Variants in MDH1 observed in about 807,000 individuals in gnomAD.
The protein encoded by MDH1 is malate dehydrogenase 1, also known as malate dehydrogenase, cytoplasmic.
In MDH1, 15 loss-of-function variants were observed where a neutral mutation model predicts 38.7. The observed-to-expected ratio is 0.39, with a 90% CI of 0.26 to 0.60. The LOEUF is 0.60. Among genes scored for constraint, MDH1 ranks in the 20% least tolerant of loss-of-function variants. The pLI is 0.56. For missense variants in MDH1, 368 were observed against 405.2 expected, an observed-to-expected ratio of 0.91 and a Z score of 0.79; for synonymous variants, 144 against 143.6, an observed-to-expected ratio of 1.00 and a Z score of -0.02.
chr2:63,594,846 G>C (rs1462065977), intron 2 of MDH1: 1 of 347,326 alleles, frequency 2.9e-6, no homozygotes, highest in African/African-American at 2.1e-5. Context: ...CAGTCAATGG[G>C]AGATATCACT....
Position 63,604,737 on chromosome 2 carries a change from T to C in MDH1, c.540T>C (p.Asn180=). Residue 180 remains asparagine, a synonymous_variant, in exon 6 of 9, where the codon AAT becomes AAC. Coordinates refer to ENST00000233114, the MANE Select transcript of MDH1 (RefSeq NM_005917.4). ...GTGTGACTGCTAATGATGTAAAGAA[T>C]GTCATTATCTGGGGAAACCATTCCT... The part of the protein sequence containing the change: ...KLGVTANDVK[N]VIIWGNHSST... 6.2e-7 allele frequency: 1 copy of C among 1,614,120 alleles called. No homozygotes were observed. The highest frequency in any genetic ancestry group is 8.5e-7 in the Non-Finnish European group (1 of 1,179,972).
At chr2:63,593,708 C>G in intron 1 of MDH1, 1 of 471,248 alleles carries the variant, frequency 2.1e-6, no homozygotes, top group South Asian at 1.5e-5. Flanking sequence ...CTGAATTTTT[C>G]TGTCTAACTA....
rs780239437 is a variant in MDH1 at position 63,604,763 on chromosome 2, C to T, written c.566C>T (p.Ser189Leu). The change falls in exon 6 of 9, where the codon TCG becomes TTG. Residue 189 changes from serine to leucine, a missense_variant. By Grantham distance (145) the Ser-to-Leu change is moderately radical. Transcript: ENST00000233114. ...GTCATTATCTGGGGAAACCATTCCT[C>T]GACTCAGTATCCAGATGTCAACCAT... ...KNVIIWGNHS[S>L]TQYPDVNHAK... The T allele has an allele frequency of 5.0e-6, 8 of 1,614,074 alleles. No homozygotes were observed. Among genetic ancestry groups the T allele is most frequent in the Non-Finnish European group, 6.8e-6 (8 of 1,179,938 alleles).
chr2:63,596,874 G>C (rs1484925739), intron 3 of MDH1, among the ~76,000 whole-genome samples: 3 of 152,170 alleles, frequency 2.0e-5, no homozygotes, highest in African/African-American at 7.2e-5. Flanking sequence ...TGATGGTGGC[G>C]AGTTAATCTC....
intron 1 of MDH1, among the ~76,000 whole-genome samples, chr2:63,594,093 T>A (rs2106603691): frequency 6.6e-6 from 1 of 152,356 alleles, no homozygotes; most frequent in Non-Finnish European, 1.5e-5. Flanking sequence ...TCTTTCACTC[T>A]TCTTCTTGGT....
At chr2:63,595,079 A>T in intron 2 of MDH1, 1 of 348,870 alleles carries the variant, frequency 2.9e-6, no homozygotes, top group South Asian at 2.5e-5. Context: ...TTCATGTCAG[A>T]TACTGTACTT....
Position 63,595,444 on chromosome 2 carries a change from G to T in MDH1, c.124G>T (p.Asp42Tyr). The change falls in exon 3 of 9, where the codon GAT (aspartate) becomes TAT (tyrosine). Residue 42 changes from aspartate to tyrosine, a missense_variant. By Grantham distance (160) the Asp-to-Tyr change is radical. Coordinates refer to ENST00000233114, the MANE Select transcript of MDH1 (RefSeq NM_005917.4). ...KDQPIILVLL[D>Y]ITPMMGVLDG... ...GTAGCCTATAATTCTTGTGCTGTTGGATATCACCCCCATGATGGGTGTCCT... is the reference window on the plus strand; with the variant it reads ...GTAGCCTATAATTCTTGTGCTGTTGTATATCACCCCCATGATGGGTGTCCT... The T allele has an allele frequency of 6.2e-7, 1 of 1,611,660 alleles. No individual in the cohort carries two copies. Among genetic ancestry groups the T allele is most frequent in the Non-Finnish European group, 8.5e-7 (1 of 1,177,788 alleles).
intron 1 of MDH1, chr2:63,593,545 C>G (rs1372846492): frequency 4.2e-6 from 2 of 471,030 alleles, no homozygotes; most frequent in African/African-American, 4.0e-5. Context: ...AGACGTGACT[C>G]TCATCTGGAA....
At chr2:63,599,684 T>G (rs1018279033) in intron 5 of MDH1, 1 of 152,578 alleles carries the variant, frequency 6.6e-6, no homozygotes, top group Non-Finnish European at 1.5e-5. Flanking sequence ...TGTGTGGTTC[T>G]GCTTCTATTT....
At chr2:63,603,715 T>C (rs1439943633) in intron 5 of MDH1, among the ~76,000 whole-genome samples, 1 of 144,618 alleles carries the variant, frequency 6.9e-6, no homozygotes, top group African/African-American at 2.6e-5. Context: ...TGGAGTGCAG[T>C]GGTGCGATCT....
intron 5 of MDH1, among the ~76,000 whole-genome samples, chr2:63,601,037 A>G (rs1389873314): frequency 6.6e-6 from 1 of 152,222 alleles, no homozygotes; most frequent in Non-Finnish European, 1.5e-5. Context: ...TGCCTGAAAC[A>G]GTTCTCACTG....
At chr2:63,589,527 T>G in intron 1 of MDH1, 2 of 800,798 alleles carry the variant, frequency 2.5e-6, no homozygotes, top group Non-Finnish European at 4.2e-6. Context: ...GATTACGATC[T>G]GCGTTTGCAG....
chr2:63,597,653 A>C, intron 4 of MDH1, 79 bp downstream of exon 4: 3 of 1,257,386 alleles, frequency 2.4e-6, no homozygotes, highest in Non-Finnish European at 3.1e-6. Flanking sequence ...GCAAAACCAA[A>C]ATTATTTGCC....
intron 7 of MDH1, 142 bp downstream of exon 7, chr2:63,605,535 G>A: frequency 1.5e-6 from 1 of 654,892 alleles, no homozygotes. Context: ...TAAACTTCGG[G>A]GTTTGTTAGC....
In MDH1 at chr2:63,590,845, G is replaced by A. The variant is rs529501773; in HGVS notation, c.3+1799G>A. 1.1e-4 allele frequency: 16 copies of A among 152,274 alleles called. No individual in the cohort carries two copies. The South Asian group carries it at 3.1e-3, about 30-fold the overall frequency. 9.4% of individuals were successfully genotyped at this position (152,274 alleles called of 1,614,324 possible). ...CTCAATTTCCCTGCCCCCTCAGGAG[G>A]GTGTGTGAATGGACAGAGTTAGAAA... is the stretch of plus-strand genomic sequence containing the variant. On this transcript the variant is annotated intron_variant, in intron 1 of 8. Coordinates refer to ENST00000233114, the MANE Select transcript of MDH1 (RefSeq NM_005917.4).
intron 4 of MDH1, chr2:63,598,221 C>CAGTGA (rs1553444398): frequency 3.9e-5 from 6 of 152,134 alleles, no homozygotes; most frequent in Non-Finnish European, 8.8e-5. Context: ...CTCTGCCTCC[C>CAGTGA]GGGTTCAAGC....
rs769493272 is a variant in MDH1 at position 63,605,354 on chromosome 2, C to A, written c.750C>A (p.Ile250=). The A allele has an allele frequency of 1.2e-5, 20 of 1,614,210 alleles. No individual in the cohort carries two copies. The South Asian group carries it at 2.2e-4, about 18-fold the overall frequency. ...LSSAMSAAKA[I]CDHVRDIWFG... is the part of the protein sequence containing the mutation. ...GTGCCATGTCTGCTGCAAAAGCCAT[C>A]TGTGACCACGTCAGGGACATCTGGT... The change falls in exon 7 of 9, where the codon ATC becomes ATA. Residue 250 remains isoleucine (I), a synonymous_variant. Transcript: ENST00000233114.
intron 1 of MDH1, chr2:63,590,742 G>T (rs532907522): frequency 6.6e-6 from 1 of 152,320 alleles, no homozygotes; most frequent in South Asian, 2.1e-4. Context: ...TCACTGGGGT[G>T]CCAGATAACA....
At position 63,605,964 on chromosome 2, in the gene MDH1, T is replaced by C. The variant is rs746951614; in HGVS notation, c.815T>C (p.Ile272Thr). 1.7e-5 allele frequency: 27 copies of C among 1,614,084 alleles called. No homozygotes were observed. The East Asian group carries it at 4.7e-4, about 28-fold the overall frequency. The change falls in exon 8 of 9, where the codon ATC becomes ACC. Residue 272 changes from isoleucine to threonine, a missense_variant. By Grantham distance (89) the Ile-to-Thr change is moderately conservative (BLOSUM62 -1). Coordinates refer to ENST00000233114, the MANE Select transcript of MDH1 (RefSeq NM_005917.4). ...PEGEFVSMGV[I>T]SDGNSYGVPD... ...GGAGAGTTTGTGTCCATGGGTGTTA[T>C]CTCTGATGGCAACTCCTATGGTGTT...
Sources: allele counts gnomAD v4.1 joint callset (sites outside exome capture counted in the v4.1 genomes callset), GRCh38; gene constraint gnomAD v4.1.1; transcripts MANE v1.5; gene names NCBI Gene and HGNC (gene_info 2026-07-23, HGNC 2026-07-21).